The following KCNH2 variants were observed in gnomAD, a reference collection of about 807,000 sequenced individuals.
KCNH2 encodes the protein potassium voltage-gated channel subfamily H member 2.
KCNH2 carries 35 observed loss-of-function variants against 95.9 expected under a neutral mutation model. The observed-to-expected ratio is 0.37, with a 90% CI of 0.28 to 0.48. KCNH2 has a LOEUF of 0.48. KCNH2 is among the 20% of genes least tolerant of loss of function. KCNH2 has a pLI of 0.99. For synonymous variants in KCNH2, 786 were observed against 754.7 expected, an observed-to-expected ratio of 1.04 and a Z score of -0.68; for missense variants, 1,274 against 1,702.9, an observed-to-expected ratio of 0.75 and a Z score of 4.43.
intron 4 of KCNH2, 52 bp downstream of exon 4, chr7:150,958,007 G>A: frequency 1.6e-6 from 2 of 1,251,962 alleles, no homozygotes; most frequent in Non-Finnish European, 2.0e-6. Flanking sequence ...CAGCAAGCCT[G>A]GCAGCAGAAG....
chr7:150,945,533 A>C lies in KCNH2; in HGVS notation c.3331-19T>G. On this transcript the variant is annotated intron_variant, in intron 14 of 14. Transcript: ENST00000262186. The surrounding 1 kb of genome is among the most constrained non-coding windows in gnomAD (Gnocchi z 5.6). Reference sequence around the variant, plus strand: ...GGGAAACCTGCAATACACACAGAGCATGGGCAGGCGAAGAGGCCATGGAGG... The same window carrying C: ...GGGAAACCTGCAATACACACAGAGCCTGGGCAGGCGAAGAGGCCATGGAGG... The C allele has an allele frequency of 6.4e-7, 1 of 1,556,210 alleles. No homozygotes were observed. The highest frequency in any genetic ancestry group is 1.7e-4 in the Middle Eastern group (1 of 5,992).
At chr7:150,975,398 G>C (rs139684025) in intron 1 of KCNH2, among the ~76,000 whole-genome samples, 1 of 152,162 alleles carries the variant, frequency 6.6e-6, no homozygotes, top group Non-Finnish European at 1.5e-5. Context: ...TCTCCAGACT[G>C]GGGGGCGCTC....
intron 3 of KCNH2, 89 bp from the exon 4 acceptor site, chr7:150,958,591 TA>T: frequency 8.6e-7 from 1 of 1,156,976 alleles, no homozygotes; most frequent in Admixed American, 3.5e-5. Context: ...AGCCGCTGGG[TA>T]AGGGAAGGAG....
chr7:150,958,210 G>T lies in KCNH2; in HGVS notation c.765C>A (p.Ser255Arg). 1.5e-6 allele frequency: 2 copies of T among 1,372,184 alleles called. No homozygotes were observed. Among genetic ancestry groups the T allele is most frequent in the South Asian group, 1.7e-5 (1 of 57,916 alleles). The allele number at this position is 1,372,184 out of a possible 1,614,324, so 85.0% of individuals were successfully genotyped here. The change falls in exon 4 of 15, where the codon AGC (serine) becomes AGA (arginine). Residue 255 changes from serine (S) to arginine (R), a missense_variant. By Grantham distance (110) the Ser-to-Arg change is moderately radical. Transcript: ENST00000262186. ...TGGAGCCCGAGGCGTCGGGGTTGAG[G>T]CTGTGCGCCCGGGGCGATGGGAGCT... ...PGQLPSPRAH[S>R]LNPDASGSSC...
chr7:150,967,433 A>G (rs1420618155), intron 2 of KCNH2, among the ~76,000 whole-genome samples: 7 of 152,234 alleles, frequency 4.6e-5, no homozygotes, highest in Non-Finnish European at 1.0e-4. Context: ...AAGCTATATC[A>G]ATGCAAGAGC....
Position 150,947,812 on chromosome 7 carries a change from C to T in KCNH2, c.2759G>A (p.Arg920Gln), listed in dbSNP as rs199473670. ...PGRAGAGPSSRGRPGGPWGES... is the reference protein window; with the variant it reads ...PGRAGAGPSSQGRPGGPWGES... ...CCCCCACGGCCCCCCCGGCCGGCCCCGGCTACTCGGCCCTGCCCCCGCCCG... is the reference window on the plus strand; with the variant it reads ...CCCCCACGGCCCCCCCGGCCGGCCCTGGCTACTCGGCCCTGCCCCCGCCCG... Residue 920 changes from arginine to glutamine, a missense_variant, in exon 12 of 15, where the codon CGG (arginine) becomes CAG (glutamine). Transcript: ENST00000262186. 27 of 1,529,310 alleles carry T rather than the reference C, an allele frequency of 1.8e-5. No homozygotes were observed. Among genetic ancestry groups the T allele is most frequent in the Middle Eastern group, 2.3e-4 (1 of 4,418 alleles). 94.7% of individuals were successfully genotyped at this position (1,529,310 alleles called of 1,614,324 possible).
chr7:150,948,617 C>T, intron 10 of KCNH2, 74 bp from the exon 11 acceptor site: 1 of 1,385,196 alleles, frequency 7.2e-7, no homozygotes, highest in Non-Finnish European at 1.0e-6. Context: ...AAGCTCCCTC[C>T]TTAACACAGA....
intron 11 of KCNH2, 79 bp from the exon 12 acceptor site, chr7:150,947,957 G>A (rs868220529): frequency 6.9e-7 from 1 of 1,452,272 alleles, no homozygotes; most frequent in Non-Finnish European, 9.1e-7. Flanking sequence ...GGGGACAGGA[G>A]CGAGCCCGAG....
At chr7:150,958,018 A>T in intron 4 of KCNH2, 41 bp downstream of exon 4, 1 of 1,264,728 alleles carries the variant, frequency 7.9e-7, no homozygotes, top group Non-Finnish European at 9.9e-7. Flanking sequence ...GCAGCAGAAG[A>T]AGCGTGGGCT....
chr7:150,946,526 C>T lies in KCNH2; in HGVS notation c.3330+351G>A, dbSNP rs922629973. Among the ~76,000 whole-genome samples the T allele has an allele frequency of 6.6e-6, 1 of 152,196 alleles. No homozygotes were observed. The highest frequency in any genetic ancestry group is 2.4e-5 in the African/African-American group (1 of 41,448). On this transcript the variant is annotated intron_variant, in intron 14 of 14. Coordinates refer to ENST00000262186, the MANE Select transcript of KCNH2 (RefSeq NM_000238.4). This position sits in a 1 kb window ranked among gnomAD's most constrained non-coding sequence, Gnocchi z 6.5. ...GGCTCAGTCAGTTCTTGGAGACCAC[C>T]CGTGGCCGTGAGACAGGCACCACCG... is the stretch of plus-strand genomic sequence containing the variant.
At position 150,957,280 on chromosome 7, in the gene KCNH2, T is replaced by C. The variant is rs1251991373; in HGVS notation, c.1128+11A>G. Reference sequence around the variant, plus strand: ...CAAGGTGAGAGGAGAGCCCGGCCGCTGGGCGCCTACCTGGGTGACCTTCTC... The same window carrying C: ...CAAGGTGAGAGGAGAGCCCGGCCGCCGGGCGCCTACCTGGGTGACCTTCTC... On this transcript the variant is annotated intron_variant, in intron 5 of 14. Transcript: ENST00000262186. The C allele has an allele frequency of 1.9e-6, 3 of 1,557,178 alleles. No individual in the cohort carries two copies. Among genetic ancestry groups the C allele is most frequent in the Non-Finnish European group, 2.6e-6 (3 of 1,149,516 alleles).
intron 5 of KCNH2, among the ~76,000 whole-genome samples, chr7:150,956,745 T>C (rs565094853): frequency 6.6e-6 from 1 of 152,286 alleles, no homozygotes; most frequent in East Asian, 1.9e-4. Context: ...TTTAGGGACA[T>C]AGTTGGGCCC....
In KCNH2 at chr7:150,958,453, C is replaced by G; in HGVS notation, c.522G>C (p.Thr174=). 6.8e-7 allele frequency: 1 copy of G among 1,466,424 alleles called. No homozygotes were observed. 90.8% of individuals were successfully genotyped at this position (1,466,424 alleles called of 1,614,324 possible). A position where few individuals can be genotyped will look rare whatever the true frequency, so the allele number is the denominator to read the frequency against. Residue 174 remains threonine (T), a synonymous_variant, in exon 4 of 15, where the codon ACG becomes ACC. Transcript: ENST00000262186. ...CCGACCGCACCGACGACTCCCGGGCCGTCAGCGCCAGCAGCGCGGGCAGCT... is the reference window on the plus strand; with the variant it reads ...CCGACCGCACCGACGACTCCCGGGCGGTCAGCGCCAGCAGCGCGGGCAGCT... ...RLKLPALLAL[T]ARESSVRSGG...
chr7:150,951,879 G>C (rs1801188215), intron 6 of KCNH2, 44 bp from the exon 7 acceptor site: 1 of 1,521,840 alleles, frequency 6.6e-7, no homozygotes, highest in East Asian at 2.3e-5. Flanking sequence ...GGGGCAAGGG[G>C]GGCAAGGGAG....
rs1386424341 is a variant in KCNH2, at chr7:150,946,998, T to G, written c.3209A>C (p.Gln1070Pro). The G allele has an allele frequency of 1.2e-6, 2 of 1,610,998 alleles. No individual in the cohort carries two copies. The change falls in exon 14 of 15, where the codon CAG (glutamine) becomes CCG (proline). Residue 1070 changes from glutamine to proline, a missense_variant. Physicochemically the swap from Gln to Pro is moderately conservative, Grantham distance 76. Coordinates refer to ENST00000262186, the MANE Select transcript of KCNH2 (RefSeq NM_000238.4). This position sits in a 1 kb window ranked among gnomAD's most constrained non-coding sequence, Gnocchi z 6.5. The part of the protein sequence containing the change: ...MATVLQLLQR[Q>P]MTLVPPAYSA... ...GTAGGCGGGCGGGACCAGCGTCATC[T>G]GCCTCTGTAGCAGCTGCAGGACAGT... is the stretch of plus-strand genomic sequence containing the variant.
At chr7:150,957,819 G>A (rs1262228138) in intron 4 of KCNH2, among the ~76,000 whole-genome samples, 2 of 152,232 alleles carry the variant, frequency 1.3e-5, no homozygotes, top group African/African-American at 4.8e-5. Context: ...AGGCCGTCCC[G>A]GGACAGCCAG....
At chr7:150,965,495 G>A (rs186417354) in intron 2 of KCNH2, among the ~76,000 whole-genome samples, 15 of 152,286 alleles carry the variant, frequency 9.8e-5, no homozygotes, top group Admixed American at 2.0e-4. Flanking sequence ...ATGCCAGGAA[G>A]CAGCTCTCCA....
chr7:150,957,626 A>C (rs1180077495), intron 4 of KCNH2, 124 bp from the exon 5 acceptor site: 1 of 746,322 alleles, frequency 1.3e-6, no homozygotes, highest in African/African-American at 1.7e-5. Context: ...AGCTCAAGAG[A>C]CCAGGGGAGT....
chr7:150,951,898 G>T (rs2072411), intron 6 of KCNH2, 63 bp from the exon 7 acceptor site: 1 of 1,453,716 alleles, frequency 6.9e-7, no homozygotes. Flanking sequence ...AGGAGGGGAG[G>T]TGCTGCGGCC....
Sources: gnomAD v4.1 joint callset for allele counts (sites outside exome capture counted in the v4.1 genomes callset) on GRCh38, gnomAD v4.1.1 for gene constraint, Gnocchi (gnomAD v3.1) non-coding constraint, MANE v1.5 for transcripts, NCBI Gene and HGNC (gene_info 2026-07-23, HGNC 2026-07-21) for gene names.